The following ERC2 variants were observed in gnomAD, a reference collection of about 807,000 sequenced individuals.
The protein encoded by ERC2 is ELKS/RAB6-interacting/CAST family member 2.
In ERC2, 42 loss-of-function variants were observed where a neutral mutation model predicts 114.8. That is an observed-to-expected ratio of 0.37 (90% confidence interval 0.29 to 0.47). ERC2 has a LOEUF of 0.47. Ranked by LOEUF, ERC2 falls within the 20% of genes least tolerant of loss-of-function variation. ERC2 has a pLI of 0.99. For missense variants in ERC2, 939 were observed against 1,150.7 expected (o/e 0.82, Z 2.66); for synonymous variants, 454 against 425.5 (o/e 1.07, Z -0.82).
chr3:55,753,702 A>C (rs1182721466), intron 14 of ERC2, among the ~76,000 whole-genome samples: 1 of 152,224 alleles, frequency 6.6e-6, no homozygotes, highest in Non-Finnish European at 1.5e-5. Flanking sequence ...GACTATCTGG[A>C]GGAGGCACAA....
chr3:56,173,663 C>T (rs961182704), intron 3 of ERC2, 143 bp from the exon 4 acceptor site: 1 of 656,160 alleles, frequency 1.5e-6, no homozygotes, highest in South Asian at 2.0e-5. Context: ...TTCCCCCACA[C>T]TCTTTAGCAT....
intron 12 of ERC2, among the ~76,000 whole-genome samples, chr3:55,980,602 T>C (rs965944787): frequency 6.6e-6 from 1 of 152,162 alleles, no homozygotes; most frequent in Non-Finnish European, 1.5e-5. Context: ...TAAGAAACTA[T>C]TTTTTTAAAT....
At position 56,161,926 on chromosome 3, in the gene ERC2, T is replaced by C. The variant is rs139988612; in HGVS notation, c.1149+11520A>G. 9.5e-4 allele frequency among the ~76,000 whole-genome samples: 144 copies of C among 152,308 alleles called. 2 individuals carry two copies. The East Asian group carries it at 0.025, about 27-fold the overall frequency. On this transcript the variant is annotated intron_variant, in intron 4 of 17. Transcript: ENST00000288221. ...CTAGCACTTCCAGTACTATGTTGAA[T>C]ACGAGTAATGAGAGTGAGCATCCTT...
At chr3:56,140,428 T>A (rs1357043345) in intron 5 of ERC2, among the ~76,000 whole-genome samples, 2 of 152,102 alleles carry the variant, frequency 1.3e-5, no homozygotes, top group South Asian at 4.1e-4. Context: ...TGGGCTACAA[T>A]TTTTTTTCCT....
intron 10 of ERC2, among the ~76,000 whole-genome samples, chr3:56,005,905 T>C (rs1481493445): frequency 6.6e-6 from 1 of 152,092 alleles, no homozygotes; most frequent in Non-Finnish European, 1.5e-5. Context: ...GGAATGTATG[T>C]CATATACCCA....
intron 3 of ERC2, among the ~76,000 whole-genome samples, chr3:56,263,216 A>G (rs2053059360): frequency 1.3e-5 from 2 of 152,240 alleles, no homozygotes; most frequent in South Asian, 4.2e-4. Flanking sequence ...AAAGGGTGAG[A>G]CACTAGCAAG....
intron 13 of ERC2, among the ~76,000 whole-genome samples, chr3:55,932,825 T>C (rs913422501): frequency 1.7e-4 from 26 of 152,222 alleles, no homozygotes; most frequent in African/African-American, 5.8e-4. Context: ...TATCTTGAGA[T>C]ACTTACCTTT....
rs192889250 is a variant in ERC2 at position 55,737,846 on chromosome 3, G to T, written c.2565-2928C>A. ...GTGACTAGCTTTGAAAGACAGAGGT[G>T]GTATTTCTTTTTGGATCAAAGGGAA... On this transcript the variant is annotated intron_variant, in intron 14 of 17. Coordinates refer to ENST00000288221, the MANE Select transcript of ERC2 (RefSeq NM_015576.3). Among the ~76,000 whole-genome samples the T allele has an allele frequency of 3.2e-3, 483 of 152,186 alleles. 3 individuals carry two copies. The highest frequency in any genetic ancestry group is 9.7e-3 in the African/African-American group (404 of 41,536).
At chr3:55,990,380 T>C (rs1258994900) in intron 11 of ERC2, among the ~76,000 whole-genome samples, 2 of 152,212 alleles carry the variant, frequency 1.3e-5, no homozygotes, top group Non-Finnish European at 2.9e-5. Context: ...CCGGAAAATG[T>C]TGAAATTTTA....
At chr3:56,078,974 G>A (rs1205355981) in intron 7 of ERC2, among the ~76,000 whole-genome samples, 5 of 151,762 alleles carry the variant, frequency 3.3e-5, no homozygotes, top group African/African-American at 1.2e-4. Context: ...CAGGAATGTG[G>A]GTGGTCATGC....
chr3:56,253,486 G>A (rs1170318531), intron 3 of ERC2, among the ~76,000 whole-genome samples: 1 of 152,222 alleles, frequency 6.6e-6, no homozygotes, highest in Non-Finnish European at 1.5e-5. Context: ...TCTTCCAGAA[G>A]TGGAGTTACG....
At chr3:55,818,904 C>T (rs1018637252) in intron 14 of ERC2, among the ~76,000 whole-genome samples, 6 of 152,172 alleles carry the variant, frequency 3.9e-5, no homozygotes, top group Admixed American at 6.5e-5. Flanking sequence ...TAACTTGTTT[C>T]CGCAAGTCCA....
chr3:56,207,134 G>C (rs2048784038), intron 3 of ERC2, among the ~76,000 whole-genome samples: 1 of 151,324 alleles, frequency 6.6e-6, no homozygotes, highest in African/African-American at 2.4e-5. Context: ...TTTGCTGTGG[G>C]CATCTTTATG....
At chr3:55,986,419 A>C (rs1182844967) in intron 11 of ERC2, among the ~76,000 whole-genome samples, 1 of 152,246 alleles carries the variant, frequency 6.6e-6, no homozygotes, top group Non-Finnish European at 1.5e-5. Flanking sequence ...CTCATGTCAG[A>C]AAGATTTTTA....
intron 17 of ERC2, among the ~76,000 whole-genome samples, chr3:55,543,900 C>CA (rs1476132348): frequency 1.3e-5 from 2 of 152,226 alleles, no homozygotes; most frequent in Non-Finnish European, 2.9e-5. Flanking sequence ...TCCACCTCCC[C>CA]ACGATCCTCA....
At chr3:55,802,679 C>T (rs1245339965) in intron 14 of ERC2, among the ~76,000 whole-genome samples, 1 of 152,124 alleles carries the variant, frequency 6.6e-6, no homozygotes, top group Non-Finnish European at 1.5e-5. Flanking sequence ...TATAAACACA[C>T]AGACAAAATC....
intron 2 of ERC2, among the ~76,000 whole-genome samples, chr3:56,328,403 T>C (rs2057461050): frequency 6.6e-6 from 1 of 152,206 alleles, no homozygotes; most frequent in Admixed American, 6.5e-5. Flanking sequence ...TCCTCAGTAG[T>C]GCTTTGTACA....
intron 3 of ERC2, among the ~76,000 whole-genome samples, chr3:56,273,427 T>C (rs935763068): frequency 2.0e-5 from 3 of 151,954 alleles, no homozygotes; most frequent in South Asian, 2.1e-4. Context: ...CTAATTTTTG[T>C]AGAGACAGGG....
intron 17 of ERC2, among the ~76,000 whole-genome samples, chr3:55,673,869 T>C (rs1262429016): frequency 1.3e-5 from 2 of 148,618 alleles, no homozygotes; most frequent in African/African-American, 5.0e-5. Flanking sequence ...AATAACACAG[T>C]GACTTCAGGG....
Sources: gnomAD v4.1 joint callset for allele counts (sites outside exome capture counted in the v4.1 genomes callset) on GRCh38, gnomAD v4.1.1 for gene constraint, MANE v1.5 for transcripts, NCBI Gene and HGNC (gene_info 2026-07-23, HGNC 2026-07-21) for gene names.